Variants in GLB1L2 observed in about 807,000 individuals in gnomAD.
GLB1L2 encodes galactosidase beta 1 like 2.
GLB1L2 carries 68 observed loss-of-function variants against 84.1 expected under a neutral mutation model. That is an observed-to-expected ratio of 0.81 (90% CI 0.67 to 0.99). The LOEUF (loss-of-function observed/expected upper bound fraction) is 0.99, where lower values mean the gene tolerates loss of function less well. Among genes scored for constraint, GLB1L2 ranks in the 50% least tolerant of loss-of-function variants. The pLI is 0.00. For missense variants in GLB1L2, 762 were observed against 805.6 expected (o/e 0.95, Z 0.66); for synonymous variants, 290 against 318.0 (o/e 0.91, Z 0.94).
intron 5 of GLB1L2, among the ~76,000 whole-genome samples, chr11:134,350,366 G>A (rs1178763562): frequency 6.6e-6 from 1 of 152,184 alleles, no homozygotes; most frequent in Non-Finnish European, 1.5e-5. Flanking sequence ...GATGCTGGCT[G>A]AGCTCAGCAT....
chr11:134,368,251 G>A (rs558761169), intron 9 of GLB1L2, among the ~76,000 whole-genome samples: 89 of 152,138 alleles, frequency 5.8e-4, no homozygotes, highest in Non-Finnish European at 1.2e-3. Flanking sequence ...CCTAACAAAG[G>A]TAGAATAGGA....
At chr11:134,358,818 A>G (rs1943741376) in intron 6 of GLB1L2, among the ~76,000 whole-genome samples, 3 of 152,246 alleles carry the variant, frequency 2.0e-5, no homozygotes. Context: ...ATCCGGAGCA[A>G]CCAGGGGCTG....
At chr11:134,342,334 C>T (rs756370185) in intron 1 of GLB1L2, among the ~76,000 whole-genome samples, 13 of 152,164 alleles carry the variant, frequency 8.5e-5, no homozygotes, top group Non-Finnish European at 1.9e-4. Context: ...TCTGCTCCTG[C>T]GGTCGGGCGG....
At chr11:134,346,330 T>A (rs1480420495) in intron 4 of GLB1L2, 1 of 152,604 alleles carries the variant, frequency 6.6e-6, no homozygotes. Context: ...CGTCAGCGAT[T>A]TCCTCGGCTC....
intron 11 of GLB1L2, 42 bp downstream of exon 11, chr11:134,369,927 C>T (rs1200492997): frequency 3.4e-5 from 53 of 1,540,992 alleles, no homozygotes; most frequent in East Asian, 2.3e-4. Flanking sequence ...CTCAGGCCCT[C>T]GCTTCTGCTC....
Position 134,339,607 on chromosome 11 carries a change from A to T in GLB1L2, c.87-3147A>T, listed in dbSNP as rs1943434863. 6.6e-6 allele frequency among the ~76,000 whole-genome samples: 1 copy of T among 152,062 alleles called. No homozygotes were observed. The highest frequency in any genetic ancestry group is 2.1e-4 in the South Asian group (1 of 4,816). On this transcript the variant is annotated intron_variant, in intron 1 of 18. Transcript: ENST00000535456. This position sits in a 1 kb window ranked among gnomAD's most constrained non-coding sequence, Gnocchi z 5.7. ...GTTTATTTCATTCCTCTTGCTATGC[A>T]CTGAGAAGAACGTTTCATTCTAAAA...
intron 3 of GLB1L2, 60 bp from the exon 4 acceptor site, chr11:134,344,974 C>G: frequency 6.4e-7 from 1 of 1,558,232 alleles, no homozygotes; most frequent in Non-Finnish European, 8.7e-7. Context: ...ATGCGCGTGG[C>G]CCCCACCCGG....
At chr11:134,371,610 G>T in intron 14 of GLB1L2, 118 bp downstream of exon 14, 1 of 1,017,606 alleles carries the variant, frequency 9.8e-7, no homozygotes, top group South Asian at 1.3e-5. Context: ...GCTGTAGGTG[G>T]AGAGGGCGAG....
At chr11:134,347,525 G>A (rs905489747) in intron 5 of GLB1L2, 92 bp downstream of exon 5, 2 of 876,446 alleles carry the variant, frequency 2.3e-6, no homozygotes, top group Non-Finnish European at 3.9e-6. Context: ...GGGTCCTCCA[G>A]TGTTTTGAAC....
At chr11:134,365,986 T>A (rs921405666) in intron 8 of GLB1L2, among the ~76,000 whole-genome samples, 4 of 152,188 alleles carry the variant, frequency 2.6e-5, no homozygotes, top group Non-Finnish European at 4.4e-5. Context: ...ATTCTCCCAA[T>A]AGTCATATGA....
chr11:134,362,978 C>T (rs1456716623), intron 7 of GLB1L2, among the ~76,000 whole-genome samples: 1 of 152,246 alleles, frequency 6.6e-6, no homozygotes, highest in Non-Finnish European at 1.5e-5. Flanking sequence ...TGCTGTTCCT[C>T]ATGGCCGTCT....
At chr11:134,354,690 C>T (rs888561930) in intron 5 of GLB1L2, among the ~76,000 whole-genome samples, 2 of 152,090 alleles carry the variant, frequency 1.3e-5, no homozygotes, top group Non-Finnish European at 2.9e-5. Flanking sequence ...TATATCATCT[C>T]ATTGCCTTCT....
At chr11:134,374,800 G>C in intron 18 of GLB1L2, 82 bp downstream of exon 18, 1 of 1,257,822 alleles carries the variant, frequency 8.0e-7, no homozygotes, top group South Asian at 1.2e-5. Flanking sequence ...AGGGTGGAGG[G>C]GCGTGTCAGC....
intron 5 of GLB1L2, among the ~76,000 whole-genome samples, chr11:134,355,621 C>T (rs1943690484): frequency 6.6e-6 from 1 of 152,176 alleles, no homozygotes; most frequent in African/African-American, 2.4e-5. Context: ...CTTTAATTCC[C>T]AGAGTCTCAC....
At chr11:134,363,351 C>T (rs929359139) in intron 7 of GLB1L2, among the ~76,000 whole-genome samples, 9 of 152,362 alleles carry the variant, frequency 5.9e-5, no homozygotes, top group East Asian at 3.9e-4. Flanking sequence ...CAGAGGCTTT[C>T]GTCCTGCAGC....
chr11:134,344,272 A>C, intron 2 of GLB1L2, 115 bp from the exon 3 acceptor site: 1 of 1,304,900 alleles, frequency 7.7e-7, no homozygotes. Context: ...TCCTAAAATC[A>C]TGAAGAAACA....
At chr11:134,336,645 A>G (rs944238427) in intron 1 of GLB1L2, among the ~76,000 whole-genome samples, 1 of 152,306 alleles carries the variant, frequency 6.6e-6, no homozygotes, top group Non-Finnish European at 1.5e-5. Flanking sequence ...TGTTGGATCA[A>G]TGTAAAGGAG....
At chr11:134,344,804 C>A (rs1461844081) in intron 3 of GLB1L2, among the ~76,000 whole-genome samples, 1 of 152,264 alleles carries the variant, frequency 6.6e-6, no homozygotes, top group East Asian at 1.9e-4. Context: ...GACCACTGAG[C>A]CCTGGGTGTC....
intron 13 of GLB1L2, 75 bp from the exon 14 acceptor site, chr11:134,371,346 C>A: frequency 1.7e-6 from 2 of 1,183,894 alleles, no homozygotes; most frequent in South Asian, 1.2e-5. Context: ...GCGTGCTGCC[C>A]TTCTTGGCCT....
Sources: gnomAD v4.1 joint callset for allele counts (sites outside exome capture counted in the v4.1 genomes callset) on GRCh38, gnomAD v4.1.1 for gene constraint, Gnocchi (gnomAD v3.1) non-coding constraint, MANE v1.5 for transcripts, NCBI Gene and HGNC (gene_info 2026-07-23, HGNC 2026-07-21) for gene names.